The following CMSS1 variants were observed in gnomAD, a reference collection of about 807,000 sequenced individuals.
The protein encoded by CMSS1 is protein CMSS1.
In CMSS1, 33 loss-of-function variants were observed where a neutral mutation model predicts 43.5. The observed-to-expected ratio is 0.76, with a 90% CI of 0.57 to 1.01. The LOEUF is 1.01. Ranked by LOEUF, CMSS1 falls within the 50% of genes least tolerant of loss-of-function variation. The probability of loss-of-function intolerance (pLI) is 0.00; values close to 1 mark genes in which losing one functional copy is unlikely to be tolerated. For missense variants in CMSS1, 313 were observed against 326.4 expected (o/e 0.96, Z 0.32); for synonymous variants, 115 against 117.2 (o/e 0.98, Z 0.12).
At chr3:99,974,639 G>A (rs1238351172) in intron 1 of CMSS1, among the ~76,000 whole-genome samples, 1 of 152,004 alleles carries the variant, frequency 6.6e-6, no homozygotes, top group Non-Finnish European at 1.5e-5. Flanking sequence ...CCCAGGAGGC[G>A]GAGGTTGTGA....
At chr3:99,976,971 GCAGGAATT>G (rs1708991277) in intron 1 of CMSS1, among the ~76,000 whole-genome samples, 1 of 152,190 alleles carries the variant, frequency 6.6e-6, no homozygotes, top group African/African-American at 2.4e-5. Flanking sequence ...ACTGCACCTT[GCAGGAATT>G]CTATCCTCTT....
chr3:100,138,722 C>T (rs528812912), intron 1 of CMSS1, among the ~76,000 whole-genome samples: 1 of 152,238 alleles, frequency 6.6e-6, no homozygotes, highest in South Asian at 2.1e-4. Context: ...GAAATAAAAA[C>T]ACTTTTACAC....
At chr3:100,052,375 A>C (rs1009337098) in intron 1 of CMSS1, among the ~76,000 whole-genome samples, 1 of 152,218 alleles carries the variant, frequency 6.6e-6, no homozygotes, top group South Asian at 2.1e-4. Flanking sequence ...TCCAGGGGGA[A>C]CTTTTGTTCC....
intron 1 of CMSS1, among the ~76,000 whole-genome samples, chr3:99,966,427 G>T (rs764208373): frequency 6.6e-6 from 1 of 151,932 alleles, no homozygotes; most frequent in Non-Finnish European, 1.5e-5. Flanking sequence ...TATAGTTTTA[G>T]AGGTTAGAAC....
At chr3:99,957,935 G>A (rs990102067) in intron 1 of CMSS1, among the ~76,000 whole-genome samples, 5 of 150,116 alleles carry the variant, frequency 3.3e-5, no homozygotes, top group Admixed American at 6.6e-5. Flanking sequence ...TGAAAACACA[G>A]GTTTCTTTCA....
At chr3:100,152,829 T>A (rs1265288636) in intron 2 of CMSS1, among the ~76,000 whole-genome samples, 1 of 152,228 alleles carries the variant, frequency 6.6e-6, no homozygotes, top group Admixed American at 6.5e-5. Context: ...TTCCTTTAGT[T>A]TCCAATAAGA....
rs1444845887 is a variant in CMSS1, at chr3:100,066,617, C to T, written c.65-80356C>T. The stretch of plus-strand genomic sequence containing the variant: ...CGGGATCTCGGCTCACTGCAAGCTC[C>T]GCCTCCCGGGTTCACGCCATTCTCC... On this transcript the variant is annotated intron_variant, in intron 1 of 9. Transcript: ENST00000421999. 1.5e-4 allele frequency among the ~76,000 whole-genome samples: 14 copies of T among 95,072 alleles called. 1 individual carries two copies. The highest frequency in any genetic ancestry group is 4.5e-4 in the Admixed American group (4 of 8,968). 62.4% of individuals were successfully genotyped at this position (95,072 alleles called of 152,430 possible). A position where few individuals can be genotyped will look rare whatever the true frequency, so the allele number is the denominator to read the frequency against.
At chr3:99,929,413 A>G (rs1405338328) in intron 1 of CMSS1, among the ~76,000 whole-genome samples, 2 of 152,202 alleles carry the variant, frequency 1.3e-5, no homozygotes, top group Non-Finnish European at 2.9e-5. Flanking sequence ...TTCATGTTCA[A>G]AATTTCTATG....
At chr3:100,061,888 T>C (rs2065572626) in intron 1 of CMSS1, among the ~76,000 whole-genome samples, 1 of 152,116 alleles carries the variant, frequency 6.6e-6, no homozygotes, top group Non-Finnish European at 1.5e-5. Context: ...AAAATATATA[T>C]AATACAAAAT....
At chr3:100,147,463 A>C (rs2066863813) in intron 2 of CMSS1, among the ~76,000 whole-genome samples, 1 of 151,556 alleles carries the variant, frequency 6.6e-6, no homozygotes, top group Non-Finnish European at 1.5e-5. Flanking sequence ...TGTAGAGATG[A>C]GGTTTCTCTG....
intron 1 of CMSS1, among the ~76,000 whole-genome samples, chr3:100,067,501 G>A (rs970227958): frequency 6.6e-6 from 1 of 152,162 alleles, no homozygotes; most frequent in South Asian, 2.1e-4. Flanking sequence ...TGTTTTTCAG[G>A]TGAAATCTGA....
At chr3:99,840,370 C>T (rs1212665538) in intron 1 of CMSS1, among the ~76,000 whole-genome samples, 2 of 151,730 alleles carry the variant, frequency 1.3e-5, no homozygotes, top group African/African-American at 4.8e-5. Context: ...ATTACAGGTG[C>T]CCACCACCAT....
chr3:100,083,057 A>G (rs1002232093), intron 1 of CMSS1, among the ~76,000 whole-genome samples: 3 of 152,188 alleles, frequency 2.0e-5, no homozygotes, highest in African/African-American at 4.8e-5. Flanking sequence ...TGAAATTACA[A>G]TTATTTTCCA....
At chr3:99,975,585 C>CAA (rs879922288) in intron 1 of CMSS1, among the ~76,000 whole-genome samples, 2 of 113,702 alleles carry the variant, frequency 1.8e-5, no homozygotes, top group Non-Finnish European at 3.7e-5. Flanking sequence ...GACTCCGTCT[C>CAA]AAAAAAAAAA....
intron 1 of CMSS1, among the ~76,000 whole-genome samples, chr3:99,857,721 C>T (rs1435615701): frequency 6.6e-6 from 1 of 152,180 alleles, no homozygotes; most frequent in Non-Finnish European, 1.5e-5. Context: ...ATTAATGGTA[C>T]TGTATTGTTT....
At chr3:100,155,203 C>T (rs535056315) in intron 2 of CMSS1, among the ~76,000 whole-genome samples, 16 of 152,314 alleles carry the variant, frequency 1.1e-4, no homozygotes, top group Admixed American at 9.8e-4. Flanking sequence ...GCTGCCTCCC[C>T]TGCCAACAAG....
chr3:99,931,113 C>T (rs1707468823), intron 1 of CMSS1: 2 of 1,154,654 alleles, frequency 1.7e-6, no homozygotes, highest in Non-Finnish European at 2.5e-6. Context: ...AACAAGTCTA[C>T]ATTCTTGTTA....
chr3:100,126,263 GTA>G (rs1356892938), intron 1 of CMSS1, among the ~76,000 whole-genome samples: 2 of 152,140 alleles, frequency 1.3e-5, no homozygotes, highest in Non-Finnish European at 2.9e-5. Context: ...GAATTATCTT[GTA>G]TACTGAAAAG....
At chr3:99,854,366 A>G (rs1389593809) in intron 1 of CMSS1, among the ~76,000 whole-genome samples, 7 of 152,210 alleles carry the variant, frequency 4.6e-5, no homozygotes, top group Non-Finnish European at 7.3e-5. Context: ...AAGCAGATCA[A>G]TGATTTTGAT....
Sources: gnomAD v4.1 joint callset for allele counts (sites outside exome capture counted in the v4.1 genomes callset) on GRCh38, gnomAD v4.1.1 for gene constraint, MANE v1.5 for transcripts, NCBI Gene and HGNC (gene_info 2026-07-23, HGNC 2026-07-21) for gene names.